The following RAP1GDS1 variants were observed in gnomAD, a reference collection of about 807,000 sequenced individuals.
RAP1GDS1 encodes the protein RAP1, GTP-GDP dissociation stimulator 1.
A neutral mutation model predicts 71.1 loss-of-function variants in RAP1GDS1; 35 were observed. That is an observed-to-expected ratio of 0.49 (90% confidence interval 0.38 to 0.65). The LOEUF is 0.65. Among genes scored for constraint, RAP1GDS1 ranks in the 30% least tolerant of loss-of-function variants. RAP1GDS1 has a pLI of 0.00. For synonymous variants in RAP1GDS1, 229 were observed against 243.1 expected (o/e 0.94, Z 0.54); for missense variants, 663 against 706.1 (o/e 0.94, Z 0.69).
At chr4:98,291,684 C>A (rs1265219666) in intron 1 of RAP1GDS1, among the ~76,000 whole-genome samples, 3 of 151,530 alleles carry the variant, frequency 2.0e-5, no homozygotes, top group Non-Finnish European at 4.4e-5. Context: ...TAATTTACTG[C>A]TGAATTATAC....
intron 2 of RAP1GDS1, among the ~76,000 whole-genome samples, chr4:98,301,715 A>G (rs1728614441): frequency 6.6e-6 from 1 of 152,144 alleles, no homozygotes; most frequent in African/African-American, 2.4e-5. Flanking sequence ...TTCCTACCCT[A>G]GTAGGAAAAT....
At chr4:98,290,682 A>G (rs1726791866) in intron 1 of RAP1GDS1, among the ~76,000 whole-genome samples, 1 of 152,106 alleles carries the variant, frequency 6.6e-6, no homozygotes, top group South Asian at 2.1e-4. Context: ...GTTTGTCTTT[A>G]ACAGAGACTT....
At chr4:98,298,640 A>G (rs1157197896) in intron 2 of RAP1GDS1, among the ~76,000 whole-genome samples, 1 of 152,190 alleles carries the variant, frequency 6.6e-6, no homozygotes, top group African/African-American at 2.4e-5. Context: ...GATCCCTTTC[A>G]AAATATTACT....
intron 2 of RAP1GDS1, among the ~76,000 whole-genome samples, chr4:98,329,625 TA>T (rs1733641455): frequency 1.3e-5 from 2 of 151,852 alleles, no homozygotes; most frequent in Admixed American, 1.3e-4. Context: ...TCATCTCTAC[TA>T]AAAATACAAA....
chr4:98,308,947 G>A (rs944938535), intron 2 of RAP1GDS1, among the ~76,000 whole-genome samples: 9 of 151,890 alleles, frequency 5.9e-5, no homozygotes, highest in Non-Finnish European at 1.2e-4. Flanking sequence ...CACTTACAAG[G>A]TCGTATTATA....
At chr4:98,378,973 A>G in intron 4 of RAP1GDS1, 44 bp from the exon 5 acceptor site, 2 of 1,482,750 alleles carry the variant, frequency 1.3e-6, no homozygotes, top group South Asian at 1.3e-5. Context: ...TGTAAGGTAC[A>G]TTTCTTTTTT....
intron 1 of RAP1GDS1, among the ~76,000 whole-genome samples, chr4:98,267,541 A>G (rs538641371): frequency 6.6e-6 from 1 of 152,102 alleles, no homozygotes; most frequent in East Asian, 1.9e-4. Flanking sequence ...TCCCATCTTT[A>G]TGTCCATATG....
chr4:98,393,885 CTTTT>C (rs1379567107), intron 6 of RAP1GDS1, among the ~76,000 whole-genome samples: 2 of 151,966 alleles, frequency 1.3e-5, no homozygotes, highest in African/African-American at 2.4e-5. Context: ...TACTTTTTAA[CTTTT>C]TTAGCACATC....
At chr4:98,333,692 C>T (rs992775921) in intron 2 of RAP1GDS1, among the ~76,000 whole-genome samples, 2 of 151,912 alleles carry the variant, frequency 1.3e-5, no homozygotes, top group Non-Finnish European at 2.9e-5. Context: ...ACAATTATAC[C>T]TAGATTACTT....
At chr4:98,399,233 A>G (rs1405521902) in intron 6 of RAP1GDS1, among the ~76,000 whole-genome samples, 2 of 152,214 alleles carry the variant, frequency 1.3e-5, no homozygotes, top group Non-Finnish European at 2.9e-5. Flanking sequence ...ATATCAAATG[A>G]AAAAGCTTTT....
chr4:98,292,793 TA>T (rs1243340158), intron 1 of RAP1GDS1, among the ~76,000 whole-genome samples: 2 of 152,156 alleles, frequency 1.3e-5, no homozygotes, highest in African/African-American at 2.4e-5. Flanking sequence ...TAACTTTTAA[TA>T]GTGTAAAGAG....
chr4:98,393,014 C>T (rs1057381493), intron 6 of RAP1GDS1, among the ~76,000 whole-genome samples: 4 of 152,102 alleles, frequency 2.6e-5, no homozygotes, highest in African/African-American at 9.7e-5. Flanking sequence ...TCTTCTTCCC[C>T]ACGCCCCCAC....
chr4:98,442,216 T>A lies in RAP1GDS1; in HGVS notation c.*99T>A. The A allele has an allele frequency of 6.7e-7, 1 of 1,493,544 alleles. No homozygotes were observed. 92.5% of individuals were successfully genotyped at this position (1,493,544 alleles called of 1,614,324 possible). On this transcript the variant is annotated 3_prime_UTR_variant, in exon 15 of 15. Coordinates refer to ENST00000408927, the MANE Select transcript of RAP1GDS1 (RefSeq NM_001100427.2). ...CATTCTCTACCATACCACTTGTGCA[T>A]GCATGTGATGTTCTAATACCAATTG... is the stretch of plus-strand genomic sequence containing the variant.
chr4:98,342,931 A>G (rs1735698232), intron 2 of RAP1GDS1, among the ~76,000 whole-genome samples: 1 of 151,936 alleles, frequency 6.6e-6, no homozygotes, highest in Non-Finnish European at 1.5e-5. Context: ...ATATTATATT[A>G]TCAAGTGTTT....
intron 12 of RAP1GDS1, among the ~76,000 whole-genome samples, chr4:98,424,350 G>T (rs557839106): frequency 6.6e-6 from 1 of 152,198 alleles, no homozygotes; most frequent in African/African-American, 2.4e-5. Flanking sequence ...AAAACGAATT[G>T]TCTTGGGCCA....
At chr4:98,320,173 G>A (rs531895716) in intron 2 of RAP1GDS1, among the ~76,000 whole-genome samples, 1 of 152,310 alleles carries the variant, frequency 6.6e-6, no homozygotes, top group East Asian at 1.9e-4. Context: ...GTCAGCAATA[G>A]GCTATTAGTT....
chr4:98,357,863 C>T (rs1738173920), intron 4 of RAP1GDS1, among the ~76,000 whole-genome samples: 1 of 151,854 alleles, frequency 6.6e-6, no homozygotes, highest in Non-Finnish European at 1.5e-5. Context: ...ATTTTAATTT[C>T]CTCCTTGGTA....
chr4:98,314,215 G>T (rs1374801190), intron 2 of RAP1GDS1, among the ~76,000 whole-genome samples: 1 of 152,130 alleles, frequency 6.6e-6, no homozygotes, highest in Non-Finnish European at 1.5e-5. Flanking sequence ...AAAGCTTAAA[G>T]AACATTTTTG....
chr4:98,404,969 C>G (rs943596228), intron 7 of RAP1GDS1, among the ~76,000 whole-genome samples: 1 of 152,094 alleles, frequency 6.6e-6, no homozygotes, highest in African/African-American at 2.4e-5. Flanking sequence ...TTAATCACTC[C>G]CTTCTTTGGG....
Sources: gnomAD v4.1 joint callset for allele counts (sites outside exome capture counted in the v4.1 genomes callset) on GRCh38, gnomAD v4.1.1 for gene constraint, MANE v1.5 for transcripts, NCBI Gene and HGNC (gene_info 2026-07-23, HGNC 2026-07-21) for gene names.